The following FHAD1 variants were observed in gnomAD, a reference collection of about 807,000 sequenced individuals.
FHAD1 encodes forkhead-associated domain-containing protein 1.
Under a neutral mutation model 191.3 loss-of-function variants are expected in FHAD1, and 146 were observed. The observed-to-expected ratio is 0.76, with a 90% CI of 0.67 to 0.88. FHAD1 has a LOEUF of 0.88. FHAD1 is among the 40% of genes least tolerant of loss of function. The pLI is 0.00. For missense variants in FHAD1, 1,635 were observed against 1,785.8 expected (o/e 0.92, Z 1.52); for synonymous variants, 616 against 672.3 (o/e 0.92, Z 1.29).
chr1:15,246,939 A>G (rs1191875529), upstream of FHAD1, among the ~76,000 whole-genome samples: 2 of 152,042 alleles, frequency 1.3e-5, no homozygotes, highest in East Asian at 1.9e-4. Flanking sequence ...ACCTCTCCCT[A>G]TCGCCCCCGA....
chr1:15,367,060 A>T (rs2496346), intron 24 of FHAD1, among the ~76,000 whole-genome samples: 39,938 of 152,016 alleles, frequency 0.26, 6,327 homozygotes, highest in African/African-American at 0.45. Context: ...GTTTTTTTGT[A>T]ATAAGATATG....
chr1:15,375,703 A>C lies in FHAD1; in HGVS notation c.3678A>C (p.Pro1226=). The part of the protein sequence containing the change: ...KILLDAKPDL[P]TLSRIEILAP... ...TACTGGATGCAAAACCGGATTTGCC[A>C]ACTCTCTCAAGAATAGAGATCCTAG... Residue 1226 remains proline (P), a synonymous_variant, in exon 28 of 34, where the codon CCA becomes CCC. Transcript: ENST00000688493. The C allele has an allele frequency of 6.5e-7, 1 of 1,546,452 alleles. No individual in the cohort carries two copies. Among genetic ancestry groups the C allele is most frequent in the African/African-American group, 1.4e-5 (1 of 72,810 alleles).
At position 15,388,146 on chromosome 1, in the gene FHAD1, CT is replaced by C. The variant is rs1702634862; in HGVS notation, c.4269+16del. ...AAGACAGGCAGGTATGGGAGGTGTT[CT>C]GATGTTGCAGACACAGAGTAGAGAC... On this transcript the variant is annotated intron_variant, in intron 32 of 33. Transcript: ENST00000688493. 2.3e-6 allele frequency: 3 copies of C among 1,282,308 alleles called. No homozygotes were observed. The allele number at this position is 1,282,308 out of a possible 1,614,324, so 79.4% of individuals were successfully genotyped here.
chr1:15,324,840 C>A, intron 11 of FHAD1: 1 of 467,964 alleles, frequency 2.1e-6, no homozygotes, highest in Non-Finnish European at 3.9e-6. Context: ...CCCAGTTAAC[C>A]GAGCTCCTTG....
chr1:15,358,294 G>T lies in FHAD1; in HGVS notation c.2736+11G>T. 1 of 1,523,008 alleles carries T rather than the reference G, an allele frequency of 6.6e-7. No individual in the cohort carries two copies. Among genetic ancestry groups the T allele is most frequent in the East Asian group, 2.5e-5 (1 of 40,626 alleles). 94.3% of individuals were successfully genotyped at this position (1,523,008 alleles called of 1,614,324 possible). A position where few individuals can be genotyped will look rare whatever the true frequency, so the allele number is the denominator to read the frequency against. ...ACCAAGACAAAAATGGTAAGTCGGT[G>T]CCTTCCGGGAACGGGAGAATTTTTC... On this transcript the variant is annotated intron_variant, in intron 21 of 33. Coordinates refer to ENST00000688493, the MANE Select transcript of FHAD1 (RefSeq NM_001391957.1).
intron 2 of FHAD1, among the ~76,000 whole-genome samples, chr1:15,260,859 C>T (rs1490036088): frequency 2.0e-5 from 3 of 152,352 alleles, no homozygotes; most frequent in Non-Finnish European, 4.4e-5. Context: ...GATGAGTCAT[C>T]GTTATCACTT....
chr1:15,301,463 C>G lies in FHAD1; in HGVS notation c.915+22C>G, dbSNP rs777348957. ...CCAGGTAGGCAGAGCCTGAGAGGTA[C>G]AGCACAGCTCTCAGGCCAAGGCCCG... On this transcript the variant is annotated intron_variant, in intron 6 of 33. Transcript: ENST00000688493. 7.1e-6 allele frequency: 11 copies of G among 1,544,380 alleles called. No homozygotes were observed. The South Asian group carries it at 1.3e-4, about 18-fold the overall frequency.
rs1674412888 is a variant in FHAD1, at chr1:15,316,281, T to C, written c.1171-97T>C. 1.1e-6 allele frequency: 1 copy of C among 930,432 alleles called. No homozygotes were observed. Among genetic ancestry groups the C allele is most frequent in the Non-Finnish European group, 1.7e-6 (1 of 597,934 alleles). 57.6% of individuals were successfully genotyped at this position (930,432 alleles called of 1,614,324 possible). On this transcript the variant is annotated intron_variant, in intron 8 of 33. Transcript: ENST00000688493. This position sits in a 1 kb window ranked among gnomAD's most constrained non-coding sequence, Gnocchi z 4.3. ...ACTGGATGGAAACAGCAGGAAATGCTCTCAGGGGCTCACATGGGGCCTTGG... is the reference window on the plus strand; with the variant it reads ...ACTGGATGGAAACAGCAGGAAATGCCCTCAGGGGCTCACATGGGGCCTTGG...
Position 15,382,340 on chromosome 1 carries a change from A to T in FHAD1, c.4188+147A>T, listed in dbSNP as rs1570508662. ...GGCAACTGGATAGCTTTTGCATCAG[A>T]CAGACCTAGATTTAGACCAGAGCTC... On this transcript the variant is annotated intron_variant, in intron 31 of 33. Transcript: ENST00000688493. 15 of 796,890 alleles carry T rather than the reference A, an allele frequency of 1.9e-5. No homozygotes were observed. In the East Asian group the frequency reaches 4.1e-4, roughly 22 times the overall value. The allele number at this position is 796,890 out of a possible 1,614,324, so 49.4% of individuals were successfully genotyped here.
intron 1 of FHAD1, among the ~76,000 whole-genome samples, chr1:15,238,547 C>T (rs1282850304): frequency 6.6e-6 from 1 of 152,192 alleles, no homozygotes; most frequent in Non-Finnish European, 1.5e-5. Flanking sequence ...GCCAAAAGAG[C>T]CACCATAAGT....
chr1:15,365,749 TACTTGGCCCCTCCTGAC>T, intron 23 of FHAD1, 61 bp from the exon 24 acceptor site: 1 of 833,114 alleles, frequency 1.2e-6, no homozygotes, highest in South Asian at 1.5e-5. Flanking sequence ...TTTGCATTTG[TACTTGGCCCCTCCTGAC>T]ACTCAGGAGA....
Position 15,329,023 on chromosome 1 carries a change from A to C in FHAD1, c.1711-323A>C. The C allele has an allele frequency of 4.8e-5, 9 of 187,342 alleles. No homozygotes were observed. In the South Asian group the frequency reaches 5.2e-4, roughly 11 times the overall value. 11.6% of individuals were successfully genotyped at this position (187,342 alleles called of 1,614,324 possible). A position where few individuals can be genotyped will look rare whatever the true frequency, so the allele number is the denominator to read the frequency against. On this transcript the variant is annotated intron_variant, in intron 13 of 33. Coordinates refer to ENST00000688493, the MANE Select transcript of FHAD1 (RefSeq NM_001391957.1). This position sits in a 1 kb window ranked among gnomAD's most constrained non-coding sequence, Gnocchi z 5.0. ...GACCAGCTTGTGTGTTGATCTTGGC[A>C]GGAATTCTGACGAATGGAAAAAAGA...
At chr1:15,351,472 A>G (rs966818095) in intron 19 of FHAD1, among the ~76,000 whole-genome samples, 1 of 151,942 alleles carries the variant, frequency 6.6e-6, no homozygotes, top group Non-Finnish European at 1.5e-5. Context: ...AGCCTGCACC[A>G]CTCCTTCCTG....
At chr1:15,236,954 G>C (rs1644848798) in intron 1 of FHAD1, among the ~76,000 whole-genome samples, 1 of 152,176 alleles carries the variant, frequency 6.6e-6, no homozygotes, top group African/African-American at 2.4e-5. Flanking sequence ...CAGTGAGTGA[G>C]TTCTTGGAGA....
chr1:15,345,513 G>T lies in FHAD1; in HGVS notation c.2336G>T (p.Arg779Leu), dbSNP rs757162850. ...RVQELEERLA[R>L]QKEVLESSIA... ...CAAGAGCTGGAGGAACGCTTGGCCC[G>T]CCAGAAGGAGGTACGCTCGGGGAGA... Residue 779 changes from arginine (R) to leucine (L), a missense_variant, in exon 18 of 34, where the codon CGC (arginine) becomes CTC (leucine). Transcript: ENST00000688493. The T allele has an allele frequency of 6.4e-7, 1 of 1,551,750 alleles. No homozygotes were observed. Among genetic ancestry groups the T allele is most frequent in the East Asian group, 2.4e-5 (1 of 40,922 alleles).
chr1:15,264,404 G>A (rs958906262), intron 2 of FHAD1, among the ~76,000 whole-genome samples: 3 of 152,016 alleles, frequency 2.0e-5, no homozygotes, highest in African/African-American at 7.2e-5. Flanking sequence ...TATTGTAAAT[G>A]GAATGGCTTT....
chr1:15,272,999 T>G (rs773149108), intron 3 of FHAD1, among the ~76,000 whole-genome samples: 15 of 152,160 alleles, frequency 9.9e-5, no homozygotes, highest in Non-Finnish European at 1.9e-4. Flanking sequence ...GTAGACGCTC[T>G]TAACACATAA....
intron 28 of FHAD1, among the ~76,000 whole-genome samples, chr1:15,377,383 C>G (rs1409441904): frequency 6.6e-6 from 1 of 152,192 alleles, no homozygotes; most frequent in Non-Finnish European, 1.5e-5. Context: ...ACAGGCCTTC[C>G]CCTTGGCAGT....
In FHAD1 at chr1:15,349,061, C is replaced by T. The variant is rs143990713; in HGVS notation, c.2366C>T (p.Ala789Val). Residue 789 changes from alanine to valine, a missense_variant, in exon 19 of 34, where the codon GCC becomes GTC. Physicochemically the swap from Ala to Val is moderately conservative, Grantham distance 64. Coordinates refer to ENST00000688493, the MANE Select transcript of FHAD1 (RefSeq NM_001391957.1). ...TTTCAGGTTTTGGAGAGCAGCATAG[C>T]CCATGAAAAAAGAAAAGCAAAGGAA... ...RQKEVLESSI[A>V]HEKRKAKEAL... 6.8e-5 allele frequency: 105 copies of T among 1,550,990 alleles called. No homozygotes were observed. In the East Asian group the frequency reaches 2.5e-3, roughly 37 times the overall value.
Sources: gnomAD v4.1 joint callset for allele counts (sites outside exome capture counted in the v4.1 genomes callset) on GRCh38, gnomAD v4.1.1 for gene constraint, Gnocchi (gnomAD v3.1) non-coding constraint, MANE v1.5 for transcripts, NCBI Gene and HGNC (gene_info 2026-07-23, HGNC 2026-07-21) for gene names.